The following ZNF385C variants were observed in gnomAD, a reference collection of about 807,000 sequenced individuals.
The protein encoded by ZNF385C is CTD-2132N18.2.
ZNF385C carries 28 observed loss-of-function variants against 35.4 expected under a neutral mutation model. The observed-to-expected ratio is 0.79, with a 90% CI of 0.59 to 1.08. The LOEUF (loss-of-function observed/expected upper bound fraction) is 1.08, where lower values mean the gene tolerates loss of function less well. ZNF385C is among the 50% of genes least tolerant of loss of function. The pLI, the probability that ZNF385C is intolerant of heterozygous loss-of-function variation, is 0.00. For missense variants in ZNF385C, 605 were observed against 595.6 expected, an observed-to-expected ratio of 1.02 and a Z score of -0.16; for synonymous variants, 248 against 248.2, an observed-to-expected ratio of 1.00 and a Z score of 0.01.
At chr17:42,057,670 C>G (rs1233248285) in intron 2 of ZNF385C, among the ~76,000 whole-genome samples, 1 of 151,966 alleles carries the variant, frequency 6.6e-6, no homozygotes, top group African/African-American at 2.4e-5. Context: ...AGAGGCCAGG[C>G]GCAGTGGCTC....
chr17:42,037,149 C>T (rs2052874064), intron 3 of ZNF385C, among the ~76,000 whole-genome samples: 1 of 152,120 alleles, frequency 6.6e-6, no homozygotes, highest in African/African-American at 2.4e-5. Context: ...AACTCACAAT[C>T]ACCCAAGCCA....
intron 2 of ZNF385C, among the ~76,000 whole-genome samples, chr17:42,051,187 G>A (rs1465988234): frequency 6.6e-6 from 1 of 151,898 alleles, no homozygotes; most frequent in African/African-American, 2.4e-5. Context: ...CTAGGGGAAT[G>A]CTGGGGATTT....
At chr17:42,043,155 G>A (rs782616874) in intron 2 of ZNF385C, 22 of 1,232,108 alleles carry the variant, frequency 1.8e-5, no homozygotes, top group South Asian at 4.1e-5. Flanking sequence ...GCAGCAGGGC[G>A]TGGCGCTGGA....
chr17:42,060,767 G>A lies in ZNF385C; in HGVS notation c.250+2040C>T, dbSNP rs1023192008. 2.6e-5 allele frequency among the ~76,000 whole-genome samples: 4 copies of A among 152,142 alleles called. No individual in the cohort carries two copies. In the South Asian group the frequency reaches 8.3e-4, roughly 32 times the overall value. On this transcript the variant is annotated intron_variant, in intron 2 of 8. Coordinates refer to ENST00000692273, the MANE Select transcript of ZNF385C (RefSeq NM_001392013.1). Reference sequence around the variant, plus strand: ...GTCTCCCTCTGTTGCCCCGGCTGGAGTGCAATGGTGTGATCTCAGCTCACT... The same window carrying A: ...GTCTCCCTCTGTTGCCCCGGCTGGAATGCAATGGTGTGATCTCAGCTCACT...
chr17:42,057,633 G>C (rs2143813588), intron 2 of ZNF385C, among the ~76,000 whole-genome samples: 1 of 151,926 alleles, frequency 6.6e-6, no homozygotes, highest in South Asian at 2.1e-4. Context: ...GTGAAAGAAG[G>C]CTCAAGATGC....
At chr17:42,080,667 C>T (rs2053738398) in intron 1 of ZNF385C, among the ~76,000 whole-genome samples, 1 of 152,204 alleles carries the variant, frequency 6.6e-6, no homozygotes, top group Non-Finnish European at 1.5e-5. Context: ...TCAAAGTCCT[C>T]CTCTCAAATC....
intron 1 of ZNF385C, among the ~76,000 whole-genome samples, chr17:42,065,720 G>A (rs2053537854): frequency 6.6e-6 from 1 of 152,116 alleles, no homozygotes; most frequent in African/African-American, 2.4e-5. Context: ...ATAGAGACAG[G>A]GTCTCGCTAT....
rs1225159342 is a variant in ZNF385C at position 42,028,309 on chromosome 17, C to G, written c.968-63G>C. The G allele has an allele frequency of 4.8e-6, 7 of 1,467,976 alleles. No individual in the cohort carries two copies. In the Admixed American group the frequency reaches 1.6e-4, roughly 34 times the overall value. The allele number at this position is 1,467,976 out of a possible 1,614,324, so 90.9% of individuals were successfully genotyped here. A position where few individuals can be genotyped will look rare whatever the true frequency, so the allele number is the denominator to read the frequency against. ...GGGGTTGCAGGGGCCACAGAGACCC[C>G]CTCCACACTCATGCAATTTGGCTCT... On this transcript the variant is annotated intron_variant, in intron 6 of 8. Coordinates refer to ENST00000692273, the MANE Select transcript of ZNF385C (RefSeq NM_001392013.1).
In ZNF385C at chr17:42,093,585, A is replaced by ATTT. The variant is rs34648348; in HGVS notation, c.-3+4822_-3+4824dup. ...TTTTACTTTTTATTTTATTTTATTT[A>ATTT]TTTTTTTTTTTTTGAGAGAGGGTCT... On this transcript the variant is annotated intron_variant, in intron 1 of 8. Coordinates refer to ENST00000692273, the MANE Select transcript of ZNF385C (RefSeq NM_001392013.1). 3.2e-4 allele frequency among the ~76,000 whole-genome samples: 46 copies of ATTT among 143,244 alleles called. 1 individual carries two copies. The highest frequency in any genetic ancestry group is 7.4e-4 in the African/African-American group (29 of 38,936). The allele number at this position is 143,244 out of a possible 152,430, so 94.0% of individuals were successfully genotyped here.
intron 1 of ZNF385C, among the ~76,000 whole-genome samples, chr17:42,073,972 C>A (rs2053658812): frequency 1.3e-5 from 2 of 152,158 alleles, no homozygotes; most frequent in Admixed American, 6.5e-5. Flanking sequence ...CACCAACTCA[C>A]CCCTGCCTTG....
intron 5 of ZNF385C, 78 bp downstream of exon 5, chr17:42,031,541 A>G: frequency 6.8e-7 from 1 of 1,476,792 alleles, no homozygotes. Context: ...CAAAAAGAAT[A>G]AGCAGAAATC....
intron 2 of ZNF385C, among the ~76,000 whole-genome samples, chr17:42,047,663 T>G (rs2053195213): frequency 6.6e-6 from 1 of 151,980 alleles, no homozygotes; most frequent in Non-Finnish European, 1.5e-5. Context: ...TTGGGACTTT[T>G]TTTTTTTCGA....
At chr17:42,052,184 CAGA>C (rs1429065641) in intron 2 of ZNF385C, among the ~76,000 whole-genome samples, 1 of 152,150 alleles carries the variant, frequency 6.6e-6, no homozygotes, top group Non-Finnish European at 1.5e-5. Flanking sequence ...CAGACCAGTA[CAGA>C]AGAAGAGGCT....
At chr17:42,049,371 C>G (rs989881237) in intron 2 of ZNF385C, among the ~76,000 whole-genome samples, 10 of 152,206 alleles carry the variant, frequency 6.6e-5, no homozygotes, top group Admixed American at 6.5e-4. Context: ...CTCCACCCCC[C>G]TTCTCATGCA....
chr17:42,031,534 A>AAAGAAT, intron 5 of ZNF385C, 85 bp downstream of exon 5: 7 of 1,467,762 alleles, frequency 4.8e-6, no homozygotes, highest in Non-Finnish European at 6.4e-6. Flanking sequence ...ACACAAGCAA[A>AAAGAAT]AAGAATAAGC....
intron 1 of ZNF385C, among the ~76,000 whole-genome samples, chr17:42,080,494 T>A (rs533198971): frequency 2.0e-4 from 30 of 152,296 alleles, no homozygotes; most frequent in Middle Eastern, 3.4e-3. Context: ...AAACTAATCC[T>A]AACCCATCCT....
At chr17:42,048,672 T>C (rs1790222802) in intron 2 of ZNF385C, among the ~76,000 whole-genome samples, 1 of 152,150 alleles carries the variant, frequency 6.6e-6, no homozygotes, top group South Asian at 2.1e-4. Context: ...CTCTTCTACA[T>C]CCAGAACCTG....
intron 1 of ZNF385C, among the ~76,000 whole-genome samples, chr17:42,069,718 C>T (rs1223978139): frequency 6.6e-6 from 1 of 152,242 alleles, no homozygotes; most frequent in Non-Finnish European, 1.5e-5. Flanking sequence ...TTGGGCCAGA[C>T]CCTGCCTCGC....
intron 1 of ZNF385C, among the ~76,000 whole-genome samples, chr17:42,094,614 A>G (rs1598208458): frequency 6.6e-6 from 1 of 152,300 alleles, no homozygotes; most frequent in East Asian, 1.9e-4. Context: ...AAGGACACAG[A>G]TGGGGAGCAC....
Sources: allele counts gnomAD v4.1 joint callset (sites outside exome capture counted in the v4.1 genomes callset), GRCh38; gene constraint gnomAD v4.1.1; transcripts MANE v1.5; gene names NCBI Gene and HGNC (gene_info 2026-07-23, HGNC 2026-07-21).